EPB41L3: variants seen among roughly 807,000 people sequenced by gnomAD.
The protein encoded by EPB41L3 is erythrocyte membrane protein band 4.1 like 3.
In EPB41L3, 57 loss-of-function variants were observed where a neutral mutation model predicts 127.1. That is an observed-to-expected ratio of 0.45 (90% CI 0.36 to 0.56). EPB41L3 has a LOEUF of 0.56. Among genes scored for constraint, EPB41L3 ranks in the 20% least tolerant of loss-of-function variants. The pLI is 0.00. For missense variants in EPB41L3, 1,273 were observed against 1,372.2 expected, an observed-to-expected ratio of 0.93 and a Z score of 1.14; for synonymous variants, 572 against 549.5, an observed-to-expected ratio of 1.04 and a Z score of -0.57.
intron 3 of EPB41L3, among the ~76,000 whole-genome samples, chr18:5,549,678 G>A (rs574591563): frequency 6.6e-6 from 1 of 152,228 alleles, no homozygotes; most frequent in South Asian, 2.1e-4. Flanking sequence ...TAACTGAGTC[G>A]GAAGCTCTGG....
intron 3 of EPB41L3, among the ~76,000 whole-genome samples, chr18:5,555,658 G>A (rs1329073873): frequency 1.3e-5 from 2 of 152,036 alleles, no homozygotes; most frequent in Non-Finnish European, 2.9e-5. Context: ...TCTGGGCTCT[G>A]TCCACATCTC....
intron 1 of EPB41L3, among the ~76,000 whole-genome samples, chr18:5,535,327 C>T (rs2093539183): frequency 6.6e-6 from 1 of 152,052 alleles, no homozygotes; most frequent in Non-Finnish European, 1.5e-5. Context: ...CAATATAACT[C>T]CCCCCAATGA....
intron 1 of EPB41L3, among the ~76,000 whole-genome samples, chr18:5,489,898 T>C (rs2090385780): frequency 6.6e-6 from 1 of 152,196 alleles, no homozygotes; most frequent in Non-Finnish European, 1.5e-5. Context: ...TTATCTCATA[T>C]CTCATAGGGA....
At chr18:5,401,164 A>C in intron 16 of EPB41L3, 6 of 462,326 alleles carry the variant, frequency 1.3e-5, no homozygotes, top group Non-Finnish European at 2.3e-5. Flanking sequence ...ATATATTCTC[A>C]TAATATTCAT....
chr18:5,404,100 C>T (rs535291066), intron 16 of EPB41L3, among the ~76,000 whole-genome samples: 56 of 152,274 alleles, frequency 3.7e-4, no homozygotes, highest in Middle Eastern at 3.4e-3. Context: ...CTATGAGGTC[C>T]TGGAGAAGAG....
intron 3 of EPB41L3, among the ~76,000 whole-genome samples, chr18:5,452,043 T>C (rs1345612484): frequency 6.6e-6 from 1 of 152,066 alleles, no homozygotes; most frequent in Non-Finnish European, 1.5e-5. Context: ...TTTGACACTT[T>C]TAGTAGAGAC....
At chr18:5,618,175 G>A (rs1399021290) in intron 1 of EPB41L3, among the ~76,000 whole-genome samples, 1 of 152,146 alleles carries the variant, frequency 6.6e-6, no homozygotes, top group Non-Finnish European at 1.5e-5. Flanking sequence ...AATGGGGAAG[G>A]CCTATATTCA....
At chr18:5,470,080 C>G (rs1177699177) in intron 3 of EPB41L3, among the ~76,000 whole-genome samples, 1 of 152,122 alleles carries the variant, frequency 6.6e-6, no homozygotes, top group Non-Finnish European at 1.5e-5. Context: ...GTCTGGCTGA[C>G]TTTGCATGTT....
upstream of EPB41L3, among the ~76,000 whole-genome samples, chr18:5,629,829 G>C (rs965553246): frequency 7.9e-5 from 12 of 152,298 alleles, no homozygotes; most frequent in African/African-American, 2.2e-4. Flanking sequence ...CTCCAACTCC[G>C]GCGAGGGCGG....
intron 16 of EPB41L3, chr18:5,399,838 T>G (rs560084250): frequency 5.8e-4 from 88 of 152,884 alleles, no homozygotes; most frequent in Middle Eastern, 3.4e-3. Flanking sequence ...TTTATGTAAA[T>G]ATTTTCCATA....
chr18:5,584,632 A>T (rs974782481), intron 3 of EPB41L3, among the ~76,000 whole-genome samples: 1 of 152,192 alleles, frequency 6.6e-6, no homozygotes, highest in Non-Finnish European at 1.5e-5. Context: ...AAAAGACTAA[A>T]CAAAAAGATA....
chr18:5,545,482 G>A (rs2093861596), upstream of EPB41L3, among the ~76,000 whole-genome samples: 1 of 152,054 alleles, frequency 6.6e-6, no homozygotes. Flanking sequence ...TGGCTGGAGT[G>A]GAAGGGTTTT....
intron 16 of EPB41L3, among the ~76,000 whole-genome samples, chr18:5,406,312 CAAATA>C (rs2075376373): frequency 6.6e-6 from 1 of 152,046 alleles, no homozygotes; most frequent in Non-Finnish European, 1.5e-5. Context: ...AAATAAAAAT[CAAATA>C]AAACTCTTGT....
At chr18:5,616,805 TG>T (rs2094800171) in intron 1 of EPB41L3, among the ~76,000 whole-genome samples, 1 of 152,240 alleles carries the variant, frequency 6.6e-6, no homozygotes, top group Admixed American at 6.5e-5. Context: ...ATCATGTGGT[TG>T]GTTGATAGCT....
intron 3 of EPB41L3, among the ~76,000 whole-genome samples, chr18:5,461,852 C>T (rs541743107): frequency 1.3e-5 from 2 of 152,214 alleles, no homozygotes; most frequent in Non-Finnish European, 1.5e-5. Flanking sequence ...TGACCCCTTA[C>T]AGAACAAATA....
In EPB41L3 at chr18:5,583,597, A is replaced by G. The variant is rs79375352; in HGVS notation, c.-306+28743T>C. Among the ~76,000 whole-genome samples, 682 of 152,360 alleles carry G rather than the reference A, an allele frequency of 4.5e-3. 3 individuals carry two copies. Among genetic ancestry groups the G allele is most frequent in the Non-Finnish European group, 7.5e-3 (511 of 68,038 alleles). ...TCTTATTTCCTCATTTCTAGCATGT[A>G]CTTTTCTGCAAATACGTCAACATGT... is the stretch of plus-strand genomic sequence containing the variant. On this transcript the variant is annotated intron_variant, in intron 3 of 21. Coordinates refer to the EPB41L3 transcript ENST00000545076.
At chr18:5,530,235 A>C (rs2093367616) in intron 1 of EPB41L3, among the ~76,000 whole-genome samples, 1 of 152,040 alleles carries the variant, frequency 6.6e-6, no homozygotes, top group African/African-American at 2.4e-5. Flanking sequence ...CTTTTATTTT[A>C]TAGAAAAAAA....
chr18:5,589,292 C>A, intron 3 of EPB41L3, among the ~76,000 whole-genome samples: 1 of 151,982 alleles, frequency 6.6e-6, no homozygotes, highest in East Asian at 1.9e-4. Context: ...CCAGGTAACA[C>A]TCCCCACCAC....
intron 3 of EPB41L3, among the ~76,000 whole-genome samples, chr18:5,566,762 CTATTCTATTCT>C (rs2094208293): frequency 7.0e-6 from 1 of 143,104 alleles, no homozygotes; most frequent in East Asian, 2.2e-4. Flanking sequence ...CTATTCTATT[CTATTCTATTCT>C]ATTCTATTCT....
Sources: gnomAD v4.1 joint callset for allele counts (sites outside exome capture counted in the v4.1 genomes callset) on GRCh38, gnomAD v4.1.1 for gene constraint, MANE v1.5 for transcripts, NCBI Gene and HGNC (gene_info 2026-07-23, HGNC 2026-07-21) for gene names.